The following YWHAZ variants were observed in gnomAD, a reference collection of about 807,000 sequenced individuals.
The protein encoded by YWHAZ is 14-3-3 protein zeta/delta.
For missense variants in YWHAZ, 79 were observed against 284.8 expected (o/e 0.28, Z 5.20); for synonymous variants, 87 against 103.6 (o/e 0.84, Z 0.97).
chr8:100,946,744 G>T (rs1296859600), intron 2 of YWHAZ, among the ~76,000 whole-genome samples: 2 of 151,894 alleles, frequency 1.3e-5, no homozygotes, highest in African/African-American at 4.8e-5. Flanking sequence ...ATTGACTTTT[G>T]TCTTAAGGGA....
In YWHAZ at chr8:100,951,744, G is replaced by A. The variant is rs546801977; in HGVS notation, c.-12+185C>T. ...AGCAAGGAGCCGGAGGCGGCCGCTA[G>A]CCGCCCTCCCGAGCCCAGCGGAAGA... On this transcript the variant is annotated intron_variant, in intron 1 of 5. Transcript: ENST00000395958. The A allele has an allele frequency of 7.5e-5, 74 of 985,404 alleles. No homozygotes were observed. In the South Asian group the frequency reaches 3.3e-3, roughly 44 times the overall value. 61.0% of individuals were successfully genotyped at this position (985,404 alleles called of 1,614,324 possible). A position where few individuals can be genotyped will look rare whatever the true frequency, so the allele number is the denominator to read the frequency against.
At chr8:100,939,843 A>G (rs1814497281) in intron 2 of YWHAZ, among the ~76,000 whole-genome samples, 1 of 151,998 alleles carries the variant, frequency 6.6e-6, no homozygotes, top group African/African-American at 2.4e-5. Flanking sequence ...AACCTGGTGA[A>G]ACCTCATCTC....
chr8:100,943,338 T>C (rs1170402029), intron 2 of YWHAZ, among the ~76,000 whole-genome samples: 2 of 150,810 alleles, frequency 1.3e-5, no homozygotes, highest in African/African-American at 4.8e-5. Context: ...AAGAAACTTA[T>C]TAGAATTTCA....
intron 2 of YWHAZ, among the ~76,000 whole-genome samples, chr8:100,945,970 G>A (rs1344002517): frequency 6.6e-6 from 1 of 152,032 alleles, no homozygotes; most frequent in Non-Finnish European, 1.5e-5. Context: ...GGAAGCAAAA[G>A]CTTGTTTAGA....
Position 100,925,053 on chromosome 8 carries a change from G to A in YWHAZ, c.295-14C>T, listed in dbSNP as rs1299228999. ...TTCCAAAAGAGACTTAAGAAGAAAA[G>A]AAACAGACATAGTGAGAATAAAACA... On this transcript the variant is annotated splice_polypyrimidine_tract_variant and intron_variant, in intron 2 of 5. Coordinates refer to ENST00000395958, the MANE Select transcript of YWHAZ (RefSeq NM_145690.3). 3.7e-6 allele frequency: 6 copies of A among 1,608,574 alleles called. No individual in the cohort carries two copies. The Admixed American group carries it at 5.1e-5, about 14-fold the overall frequency.
intron 2 of YWHAZ, among the ~76,000 whole-genome samples, chr8:100,943,986 CAAAAAAA>C (rs36113483): frequency 1.7e-5 from 2 of 116,494 alleles, no homozygotes; most frequent in Non-Finnish European, 3.5e-5. Flanking sequence ...GACTCCGTCT[CAAAAAAA>C]AAAAGAAAAA....
intron 2 of YWHAZ, among the ~76,000 whole-genome samples, chr8:100,944,805 G>GTAT: frequency 6.6e-6 from 1 of 152,158 alleles, no homozygotes; most frequent in East Asian, 1.9e-4. Context: ...TGTGGGATGA[G>GTAT]TATTATTCCT....
chr8:100,929,272 T>C (rs543465320), intron 2 of YWHAZ, among the ~76,000 whole-genome samples: 1 of 151,542 alleles, frequency 6.6e-6, no homozygotes, highest in South Asian at 2.1e-4. Flanking sequence ...CAATGTCGGC[T>C]CACTGCAACC....
At chr8:100,951,067 A>C in intron 1 of YWHAZ, 14 of 237,398 alleles carry the variant, frequency 5.9e-5, no homozygotes, top group Non-Finnish European at 8.2e-5. Context: ...GTTCACAAGG[A>C]GCAAAAAAAG....
rs534181621 is a variant in YWHAZ, at chr8:100,938,710, A to G, written c.294+9886T>C. On this transcript the variant is annotated intron_variant, in intron 2 of 5. Transcript: ENST00000395958. ...AAAGAAATCATGCAAGAAGCCCATAATCTGTCACACATTAGGGGCCCATAG... is the reference window on the plus strand; with the variant it reads ...AAAGAAATCATGCAAGAAGCCCATAGTCTGTCACACATTAGGGGCCCATAG... Among the ~76,000 whole-genome samples, 5 of 152,324 alleles carry G rather than the reference A, an allele frequency of 3.3e-5. No homozygotes were observed. In the South Asian group the frequency reaches 1.0e-3, roughly 32 times the overall value.
intron 5 of YWHAZ, 162 bp downstream of exon 5, chr8:100,923,793 C>T: frequency 1.6e-5 from 8 of 494,510 alleles, no homozygotes; most frequent in Non-Finnish European, 2.1e-5. Context: ...TGTAATTTTC[C>T]TTCATAGGAC....
chr8:100,925,884 T>A (rs542214341), intron 2 of YWHAZ, among the ~76,000 whole-genome samples: 1 of 152,214 alleles, frequency 6.6e-6, no homozygotes, highest in African/African-American at 2.4e-5. Flanking sequence ...TTCTTTCCAG[T>A]TAAGGGGGAG....
chr8:100,951,774 C>A, intron 1 of YWHAZ, 155 bp downstream of exon 1: 2 of 985,230 alleles, frequency 2.0e-6, no homozygotes, highest in Non-Finnish European at 2.4e-6. Context: ...GGAAGAGGAG[C>A]CGCCGCCCGT....
rs1259787831 is a variant in YWHAZ, at chr8:100,950,668, GAGA to G, written c.-12+1258_-12+1260del. On this transcript the variant is annotated intron_variant, in intron 1 of 5. Transcript: ENST00000395958. ...CCCCGCCCAAGCCGTGGGGGGGGGGGAGAGATGGGGAGCGAAGCCGCCCGACCC... is the reference window on the plus strand; with the variant it reads ...CCCCGCCCAAGCCGTGGGGGGGGGGGGATGGGGAGCGAAGCCGCCCGACCC... The G allele has an allele frequency of 3.5e-5, 30 of 854,780 alleles. No homozygotes were observed. In the African/African-American group the frequency reaches 5.0e-4, roughly 14 times the overall value. The allele number at this position is 854,780 out of a possible 1,614,324, so 52.9% of individuals were successfully genotyped here. A position where few individuals can be genotyped will look rare whatever the true frequency, so the allele number is the denominator to read the frequency against.
chr8:100,935,490 G>C (rs1478332143), intron 2 of YWHAZ, among the ~76,000 whole-genome samples: 2 of 152,160 alleles, frequency 1.3e-5, no homozygotes, highest in Non-Finnish European at 2.9e-5. Flanking sequence ...ATATTCTGCT[G>C]TAAGAGACAC....
At chr8:100,946,796 C>G (rs1810312667) in intron 2 of YWHAZ, among the ~76,000 whole-genome samples, 1 of 150,930 alleles carries the variant, frequency 6.6e-6, no homozygotes, top group Non-Finnish European at 1.5e-5. Context: ...AAAATAAAAA[C>G]TTTTCGATCA....
chr8:100,919,115 T>G lies in YWHAZ; in HGVS notation c.*1578A>C, dbSNP rs1812854084. ...TGCAAGCAAAGGAAGCAGGGTGCCT[T>G]AGACACTGAGTGGAGCCAGAAAGAT... On this transcript the variant is annotated 3_prime_UTR_variant, in exon 6 of 6. Coordinates refer to ENST00000395958, the MANE Select transcript of YWHAZ (RefSeq NM_145690.3). 6.6e-6 allele frequency: 1 copy of G among 152,284 alleles called. No homozygotes were observed. The highest frequency in any genetic ancestry group is 2.1e-4 in the South Asian group (1 of 4,826). 9.4% of individuals were successfully genotyped at this position (152,284 alleles called of 1,614,324 possible).
chr8:100,951,909 G>T lies in YWHAZ; in HGVS notation c.-12+20C>A. ...GGCCTGGGACAGGAAGCGAGGCGCG[G>T]CGGCGGCCGGGTTCCTCACCTGTGT... On this transcript the variant is annotated intron_variant, in intron 1 of 5. Coordinates refer to ENST00000395958, the MANE Select transcript of YWHAZ (RefSeq NM_145690.3). 1.0e-6 allele frequency: 1 copy of T among 994,082 alleles called. No individual in the cohort carries two copies. The highest frequency in any genetic ancestry group is 1.2e-6 in the Non-Finnish European group (1 of 835,022). 61.6% of individuals were successfully genotyped at this position (994,082 alleles called of 1,614,324 possible).
intron 2 of YWHAZ, among the ~76,000 whole-genome samples, chr8:100,946,096 G>A (rs994179811): frequency 1.3e-5 from 2 of 152,152 alleles, no homozygotes; most frequent in Admixed American, 6.5e-5. Context: ...GGAGGGTAAC[G>A]ATGTGGGTAG....
Sources: allele counts gnomAD v4.1 joint callset (sites outside exome capture counted in the v4.1 genomes callset), GRCh38; gene constraint gnomAD v4.1.1; transcripts MANE v1.5; gene names NCBI Gene and HGNC (gene_info 2026-07-23, HGNC 2026-07-21).